The following HNRNPK variants were observed in gnomAD, a reference collection of about 807,000 sequenced individuals.
HNRNPK encodes the protein dC-stretch binding protein.
In HNRNPK, 7 loss-of-function variants were observed where a neutral mutation model predicts 67.0. That is an observed-to-expected ratio of 0.10 (90% CI 0.06 to 0.20). The LOEUF is 0.20. Ranked by LOEUF, HNRNPK falls within the 10% of genes least tolerant of loss-of-function variation. The pLI is 1.00. For synonymous variants in HNRNPK, 213 were observed against 193.7 expected (o/e 1.10, Z -0.83); for missense variants, 264 against 606.5 (o/e 0.44, Z 5.93).
chr9:83,978,157 G>A lies in HNRNPK; in HGVS notation c.58+38C>T, dbSNP rs547611019. 1.5e-5 allele frequency: 20 copies of A among 1,314,624 alleles called. No homozygotes were observed. In the South Asian group the frequency reaches 2.0e-4, roughly 13 times the overall value. The allele number at this position is 1,314,624 out of a possible 1,614,324, so 81.4% of individuals were successfully genotyped here. ...ACAGAAAAAGGCAATTTATTAACAG[G>A]ATAAAAAAATACTGTTAAAACTAAA... On this transcript the variant is annotated intron_variant, in intron 3 of 16. Coordinates refer to ENST00000376263, the MANE Select transcript of HNRNPK (RefSeq NM_031263.4).
chr9:83,973,208 G>A (rs1186065886), intron 9 of HNRNPK, 78 bp downstream of exon 9: 20 of 889,354 alleles, frequency 2.2e-5, no homozygotes, highest in Admixed American at 3.8e-5. Flanking sequence ...GAGGGGAAGC[G>A]AGAGAAGCTC....
intron 4 of HNRNPK, among the ~76,000 whole-genome samples, chr9:83,977,293 A>T (rs1166558777): frequency 6.6e-6 from 1 of 152,194 alleles, no homozygotes; most frequent in Admixed American, 6.5e-5. Context: ...ATAAAATAAA[A>T]CTAAGCACAG....
At chr9:83,978,107 C>T (rs1344500765) in intron 3 of HNRNPK, 88 bp downstream of exon 3, 6 of 841,570 alleles carry the variant, frequency 7.1e-6, no homozygotes, top group Non-Finnish European at 1.2e-5. Context: ...CAAAAATTCA[C>T]CACACACTCC....
At chr9:83,977,814 G>A (rs1222131252) in intron 3 of HNRNPK, 28 bp from the exon 4 acceptor site, 2 of 1,386,842 alleles carry the variant, frequency 1.4e-6, no homozygotes, top group South Asian at 1.2e-5. Context: ...ACATTTCAAA[G>A]AAAGCAGCGA....
chr9:83,970,488 T>A, intron 15 of HNRNPK, 157 bp from the exon 16 acceptor site: 2 of 672,910 alleles, frequency 3.0e-6, no homozygotes, highest in Non-Finnish European at 5.0e-6. Flanking sequence ...TATAATGTAT[T>A]TATGTCACAC....
intron 7 of HNRNPK, 28 bp from the exon 8 acceptor site, chr9:83,974,001 G>A (rs1338060024): frequency 6.6e-7 from 1 of 1,508,398 alleles, no homozygotes; most frequent in Non-Finnish European, 9.2e-7. Flanking sequence ...AGAGTAATAG[G>A]TTAAGTGTCT....
intron 1 of HNRNPK, among the ~76,000 whole-genome samples, 198 bp from the exon 2 acceptor site, chr9:83,978,650 A>G (rs544528489): frequency 2.0e-5 from 3 of 152,182 alleles, no homozygotes; most frequent in Admixed American, 6.5e-5. Context: ...ATTTTTTGCT[A>G]AGTTAGAACA....
At chr9:83,978,519 C>G (rs1227236793) in intron 1 of HNRNPK, 67 bp from the exon 2 acceptor site, 1 of 404,288 alleles carries the variant, frequency 2.5e-6, no homozygotes, top group Non-Finnish European at 3.9e-6. Context: ...TGTTTCCGAT[C>G]ACAGTGAATA....
chr9:83,978,038 CATAA>C (rs1424338710), intron 3 of HNRNPK, among the ~76,000 whole-genome samples, 153 bp downstream of exon 3: 2 of 152,126 alleles, frequency 1.3e-5, no homozygotes, highest in Non-Finnish European at 2.9e-5. Context: ...ACTTCTACTT[CATAA>C]ATAAAAGCTA....
chr9:83,979,548 C>A (rs937386249), intron 1 of HNRNPK, among the ~76,000 whole-genome samples: 1 of 152,176 alleles, frequency 6.6e-6, no homozygotes, highest in African/African-American at 2.4e-5. Context: ...AGATCAAAAA[C>A]AGCCGGGTAA....
chr9:83,979,830 G>A (rs1957293717), intron 1 of HNRNPK, among the ~76,000 whole-genome samples: 1 of 152,174 alleles, frequency 6.6e-6, no homozygotes, highest in Non-Finnish European at 1.5e-5. Flanking sequence ...GTGAGGCGGG[G>A]CTCACACAAA....
rs1291559392 is a variant in HNRNPK, at chr9:83,974,290, A to AT, written c.330+226dup. Reference sequence around the variant, plus strand: ...ATACATACTAAACCCATGAAAGCACATGACCACAGGTTAAGTTCACATTTA... The same window carrying AT: ...ATACATACTAAACCCATGAAAGCACATTGACCACAGGTTAAGTTCACATTTA... On this transcript the variant is annotated intron_variant, in intron 7 of 16. Transcript: ENST00000376263. Among the ~76,000 whole-genome samples the AT allele has an allele frequency of 5.0e-5, 5 of 100,252 alleles. No individual in the cohort carries two copies. The South Asian group carries it at 1.6e-3, about 31-fold the overall frequency. 65.8% of individuals were successfully genotyped at this position (100,252 alleles called of 152,430 possible). A position where few individuals can be genotyped will look rare whatever the true frequency, so the allele number is the denominator to read the frequency against.
chr9:83,971,430 T>C (rs1956835096), intron 12 of HNRNPK, 74 bp from the exon 13 acceptor site: 1 of 1,029,386 alleles, frequency 9.7e-7, no homozygotes, highest in South Asian at 1.3e-5. Context: ...ATGCCTAATT[T>C]GCATGTTACA....
At chr9:83,974,707 T>G (rs970416494) in intron 6 of HNRNPK, 118 bp from the exon 7 acceptor site, 3 of 666,262 alleles carry the variant, frequency 4.5e-6, no homozygotes, top group Non-Finnish European at 7.8e-6. Flanking sequence ...TTATTTAATA[T>G]TCCCCATTTA....
At chr9:83,971,121 T>C in intron 13 of HNRNPK, 152 bp downstream of exon 13, 2 of 761,820 alleles carry the variant, frequency 2.6e-6, no homozygotes, top group Admixed American at 2.1e-5. Flanking sequence ...TATTCAAGTA[T>C]TTTAATCTCA....
upstream of HNRNPK, chr9:83,980,363 C>G (rs113095992): frequency 2.0e-5 from 3 of 152,462 alleles, no homozygotes; most frequent in Admixed American, 1.3e-4. Flanking sequence ...AACCCCGCCT[C>G]CCGCCAGCGC....
chr9:83,975,027 A>T (rs1957014779), intron 6 of HNRNPK, among the ~76,000 whole-genome samples: 1 of 152,230 alleles, frequency 6.6e-6, no homozygotes, highest in Non-Finnish European at 1.5e-5. Flanking sequence ...TAGAAATTAG[A>T]TCACTAATGG....
chr9:83,978,147 T>C, intron 3 of HNRNPK, 48 bp downstream of exon 3: 1 of 1,256,748 alleles, frequency 8.0e-7, no homozygotes, highest in Non-Finnish European at 1.2e-6. Flanking sequence ...AAAAGGCAAT[T>C]TATTAACAGG....
chr9:83,974,356 A>G (rs948291642), intron 7 of HNRNPK, among the ~76,000 whole-genome samples, 161 bp downstream of exon 7: 1 of 151,814 alleles, frequency 6.6e-6, no homozygotes, highest in African/African-American at 2.4e-5. Flanking sequence ...TAAAAAAAAA[A>G]AAACAAATTA....
Sources: allele counts gnomAD v4.1 joint callset (sites outside exome capture counted in the v4.1 genomes callset), GRCh38; gene constraint gnomAD v4.1.1; transcripts MANE v1.5; gene names NCBI Gene and HGNC (gene_info 2026-07-23, HGNC 2026-07-21).